PI4KA: variants seen among roughly 807,000 people sequenced by gnomAD.
The protein encoded by PI4KA is PI4-kinase alpha.
In PI4KA, 122 loss-of-function variants were observed where a neutral mutation model predicts 271.4. That is an observed-to-expected ratio of 0.45 (90% CI 0.39 to 0.52). PI4KA has a LOEUF of 0.52. PI4KA is among the 20% of genes least tolerant of loss of function. PI4KA has a pLI of 0.00. For missense variants in PI4KA, 1,969 were observed against 2,769.1 expected (o/e 0.71, Z 6.48); for synonymous variants, 1,041 against 1,078.8 (o/e 0.96, Z 0.69).
rs371768351 is a variant in PI4KA, at chr22:20,752,994, G to A, written c.2896C>T (p.Arg966Trp). The change falls in exon 25 of 55, where the codon CGG (arginine) becomes TGG (tryptophan). Residue 966 changes from arginine to tryptophan, a missense_variant. Arg to Trp is a moderately radical substitution (Grantham distance 101). Coordinates refer to ENST00000255882, the MANE Select transcript of PI4KA (RefSeq NM_058004.4). ...TTCACCAACAGGAACTGAGCGTGCC[G>A]CTCCAGCTCCTCCTCGTTCTCCTTG... ...KTKENEEELE[R>W]HAQFLLVNFN... 7.4e-6 allele frequency: 12 copies of A among 1,614,134 alleles called. No homozygotes were observed. Among genetic ancestry groups the A allele is most frequent in the East Asian group, 4.5e-5 (2 of 44,878 alleles).
intron 19 of PI4KA, among the ~76,000 whole-genome samples, chr22:20,778,954 C>T (rs1933524581): frequency 6.6e-6 from 1 of 152,204 alleles, no homozygotes; most frequent in Non-Finnish European, 1.5e-5. Flanking sequence ...GGTAACTAAA[C>T]ACTGTCTGGA....
intron 8 of PI4KA, 51 bp downstream of exon 8, chr22:20,813,307 C>T: frequency 7.2e-7 from 1 of 1,387,468 alleles, no homozygotes; most frequent in Non-Finnish European, 9.9e-7. Flanking sequence ...TCACCACTAG[C>T]AATTTTACTG....
chr22:20,781,488 G>A (rs1308833900), intron 19 of PI4KA, among the ~76,000 whole-genome samples: 1 of 152,206 alleles, frequency 6.6e-6, no homozygotes, highest in African/African-American at 2.4e-5. Flanking sequence ...CCCAGCTCCT[G>A]GCTTCTGTTC....
chr22:20,766,950 T>TA (rs1932590273), intron 19 of PI4KA, among the ~76,000 whole-genome samples: 1 of 152,232 alleles, frequency 6.6e-6, no homozygotes, highest in Admixed American at 6.5e-5. Flanking sequence ...CAACACTTCT[T>TA]TGAAAGCAAT....
rs532055846 is a variant in PI4KA at position 20,794,323 on chromosome 22, G to A, written c.2278-1080C>T. ...CCAGGGGAGAGCAGGCTCCTGAAAC[G>A]CCCCTCAGACAGGTTACAGCCTCTG... On this transcript the variant is annotated intron_variant, in intron 18 of 54. Transcript: ENST00000255882. Among the ~76,000 whole-genome samples, 11 of 152,266 alleles carry A rather than the reference G, an allele frequency of 7.2e-5. No individual in the cohort carries two copies. In the South Asian group the frequency reaches 1.7e-3, roughly 23 times the overall value.
chr22:20,765,519 G>T, intron 20 of PI4KA, 66 bp downstream of exon 20: 1 of 1,070,886 alleles, frequency 9.3e-7, no homozygotes, highest in Non-Finnish European at 1.4e-6. Flanking sequence ...AATTACGTGG[G>T]CTCTGACCTC....
At chr22:20,726,319 T>G (rs2147223112) in intron 42 of PI4KA, 169 bp downstream of exon 42, 1 of 534,984 alleles carries the variant, frequency 1.9e-6, no homozygotes, top group Middle Eastern at 4.7e-4. Context: ...AACATGGGTA[T>G]CAAGGGACAA....
At chr22:20,729,139 A>C (rs528975114) in intron 39 of PI4KA, among the ~76,000 whole-genome samples, 174 bp downstream of exon 39, 3 of 152,218 alleles carry the variant, frequency 2.0e-5, no homozygotes, top group Non-Finnish European at 2.9e-5. Flanking sequence ...TTGCTGGGTT[A>C]TCTCTGCACA....
chr22:20,773,427 T>C (rs759352350), intron 19 of PI4KA, among the ~76,000 whole-genome samples: 2 of 151,982 alleles, frequency 1.3e-5, no homozygotes, highest in Non-Finnish European at 2.9e-5. Context: ...AAACACAAAA[T>C]GTATCACAGC....
intron 23 of PI4KA, 142 bp downstream of exon 23, chr22:20,761,160 CTA>C (rs1328018889): frequency 3.1e-6 from 2 of 634,948 alleles, no homozygotes; most frequent in Non-Finnish European, 5.7e-6. Context: ...TATTTGAAGG[CTA>C]TATGTTTTAT....
At chr22:20,737,717 C>T (rs554292955) in intron 32 of PI4KA, among the ~76,000 whole-genome samples, 1 of 151,794 alleles carries the variant, frequency 6.6e-6, no homozygotes, top group East Asian at 1.9e-4. Flanking sequence ...CCGCAACCTC[C>T]GCCTCCTGGG....
chr22:20,840,999 AG>A (rs1187151980), intron 1 of PI4KA, among the ~76,000 whole-genome samples: 1 of 152,200 alleles, frequency 6.6e-6, no homozygotes, highest in East Asian at 1.9e-4. Flanking sequence ...AGGGTGAGAC[AG>A]GAAGTCAACA....
intron 8 of PI4KA, among the ~76,000 whole-genome samples, chr22:20,812,737 G>A (rs1165930107): frequency 6.6e-6 from 1 of 152,092 alleles, no homozygotes; most frequent in Non-Finnish European, 1.5e-5. Context: ...GTGTTTTTTA[G>A]TAGAGATGGG....
chr22:20,792,625 C>A (rs1259939742), intron 19 of PI4KA, among the ~76,000 whole-genome samples: 1 of 152,206 alleles, frequency 6.6e-6, no homozygotes, highest in Non-Finnish European at 1.5e-5. Flanking sequence ...AAGGGAAAAA[C>A]AACTTCTACA....
intron 13 of PI4KA, 131 bp downstream of exon 13, chr22:20,803,060 C>A (rs1601532441): frequency 2.1e-6 from 2 of 932,866 alleles, no homozygotes. Flanking sequence ...GGAGGGGACG[C>A]AAAGGGAAAG....
intron 19 of PI4KA, among the ~76,000 whole-genome samples, chr22:20,784,951 T>C (rs117858197): frequency 0.013 from 1,939 of 152,248 alleles, 23 homozygotes; most frequent in East Asian, 0.056. Context: ...AGGAAGGTAT[T>C]TGCCCGGGTA....
intron 32 of PI4KA, among the ~76,000 whole-genome samples, chr22:20,735,706 C>T (rs1430795619): frequency 6.6e-6 from 1 of 152,228 alleles, no homozygotes; most frequent in Non-Finnish European, 1.5e-5. Flanking sequence ...CCACATAAGC[C>T]CAGGATGGCC....
chr22:20,770,936 T>C (rs1932846146), intron 19 of PI4KA, among the ~76,000 whole-genome samples: 1 of 152,112 alleles, frequency 6.6e-6, no homozygotes, highest in Admixed American at 6.6e-5. Flanking sequence ...TCCCAGCTCT[T>C]TGGGAGGCCA....
intron 1 of PI4KA, among the ~76,000 whole-genome samples, chr22:20,848,569 G>A (rs994435768): frequency 5.3e-5 from 8 of 152,082 alleles, no homozygotes; most frequent in Non-Finnish European, 1.0e-4. Context: ...AGGGTTCCAG[G>A]ACCCCTCAAT....
Sources: allele counts gnomAD v4.1 joint callset (sites outside exome capture counted in the v4.1 genomes callset), GRCh38; gene constraint gnomAD v4.1.1; transcripts MANE v1.5; gene names NCBI Gene and HGNC (gene_info 2026-07-23, HGNC 2026-07-21).